The following TAFA2 variants were observed in gnomAD, a reference collection of about 807,000 sequenced individuals.
TAFA2 encodes chemokine-like protein TAFA-2.
A neutral mutation model predicts 18.8 loss-of-function variants in TAFA2; 7 were observed. The ratio of observed to expected loss-of-function variants is 0.37; its 90% CI spans 0.21 to 0.70. The LOEUF is 0.70. Ranked by LOEUF, TAFA2 falls within the 30% of genes least tolerant of loss-of-function variation. TAFA2 has a pLI of 0.53. For missense variants in TAFA2, 122 were observed against 158.1 expected (o/e 0.77, Z 1.23); for synonymous variants, 60 against 54.2 (o/e 1.11, Z -0.47).
At position 61,806,201 on chromosome 12, in the gene TAFA2, T is replaced by C. The variant is rs560990912; in HGVS notation, c.107-51177A>G. On this transcript the variant is annotated intron_variant, in intron 2 of 4. Transcript: ENST00000416284. ...TGGCTATGTCCCCACTGAAATCTCATCTTGAATTCCCAGGTGTTGTGGGAG... is the reference window on the plus strand; with the variant it reads ...TGGCTATGTCCCCACTGAAATCTCACCTTGAATTCCCAGGTGTTGTGGGAG... Among the ~76,000 whole-genome samples the C allele has an allele frequency of 1.6e-4, 25 of 152,296 alleles. No individual in the cohort carries two copies. The South Asian group carries it at 5.2e-3, about 32-fold the overall frequency.
At chr12:61,808,851 T>C (rs974705499) in intron 2 of TAFA2, among the ~76,000 whole-genome samples, 5 of 151,504 alleles carry the variant, frequency 3.3e-5, no homozygotes, top group Non-Finnish European at 5.9e-5. Context: ...CAGGCACAAA[T>C]GAATTAACAA....
chr12:61,856,147 C>G (rs1464157283), intron 2 of TAFA2, among the ~76,000 whole-genome samples: 2 of 151,304 alleles, frequency 1.3e-5, no homozygotes, highest in Non-Finnish European at 3.0e-5. Context: ...ATTGCCATCC[C>G]CCTCCCCTCA....
At chr12:61,980,496 A>G (rs1383637129) in intron 1 of TAFA2, among the ~76,000 whole-genome samples, 1 of 152,196 alleles carries the variant, frequency 6.6e-6, no homozygotes, top group African/African-American at 2.4e-5. Context: ...GTATTCAATT[A>G]GGAAATGAGG....
At chr12:62,182,811 C>G (rs533134008) in intron 1 of TAFA2, among the ~76,000 whole-genome samples, 1 of 152,328 alleles carries the variant, frequency 6.6e-6, no homozygotes, top group East Asian at 1.9e-4. Context: ...CAATCCATTT[C>G]AACTCAAATA....
chr12:61,938,259 C>T (rs1027855959), intron 1 of TAFA2, among the ~76,000 whole-genome samples: 6 of 129,432 alleles, frequency 4.6e-5, no homozygotes, highest in Non-Finnish European at 8.2e-5. Context: ...AAAGGGAAAA[C>T]TTATATATTG....
chr12:61,985,832 G>A (rs1361904171), intron 1 of TAFA2, among the ~76,000 whole-genome samples: 1 of 152,182 alleles, frequency 6.6e-6, no homozygotes, highest in Non-Finnish European at 1.5e-5. Flanking sequence ...GTTATGATAT[G>A]TAAAATGATT....
At chr12:62,031,324 C>G (rs749490230) in intron 1 of TAFA2, among the ~76,000 whole-genome samples, 1 of 152,056 alleles carries the variant, frequency 6.6e-6, no homozygotes, top group Non-Finnish European at 1.5e-5. Flanking sequence ...AGCCTCCCAG[C>G]CTACATCTTT....
chr12:62,219,192 A>C (rs557081376), intron 1 of TAFA2, among the ~76,000 whole-genome samples: 2 of 152,150 alleles, frequency 1.3e-5, no homozygotes, highest in Non-Finnish European at 2.9e-5. Flanking sequence ...GAAAAAAAAA[A>C]CTTAGGTTAA....
intron 2 of TAFA2, among the ~76,000 whole-genome samples, chr12:61,842,903 G>A (rs371356936): frequency 5.9e-5 from 9 of 152,110 alleles, no homozygotes; most frequent in South Asian, 2.1e-4. Flanking sequence ...TGAAATTCAC[G>A]TCTCAGATTT....
At chr12:61,945,062 TACTGGCAA>T (rs1878209200) in intron 1 of TAFA2, among the ~76,000 whole-genome samples, 1 of 146,976 alleles carries the variant, frequency 6.8e-6, no homozygotes, top group African/African-American at 2.6e-5. Context: ...CTCAATAAAA[TACTGGCAA>T]ACCGAATCCA....
chr12:62,093,804 T>C (rs1311797136), intron 1 of TAFA2, among the ~76,000 whole-genome samples: 1 of 151,990 alleles, frequency 6.6e-6, no homozygotes, highest in Non-Finnish European at 1.5e-5. Flanking sequence ...AACAAAATTA[T>C]TCAGTGTTAA....
Position 61,927,286 on chromosome 12 carries a change from G to A in TAFA2, c.-1-59860C>T, listed in dbSNP as rs577730187. On this transcript the variant is annotated intron_variant, in intron 1 of 4. Coordinates refer to ENST00000416284, the MANE Select transcript of TAFA2 (RefSeq NM_178539.5). ...AAACCCATCGTCTCAGCCCAAAATCGCCTTAAGCTGATAAGCAACTTCAGC... is the reference window on the plus strand; with the variant it reads ...AAACCCATCGTCTCAGCCCAAAATCACCTTAAGCTGATAAGCAACTTCAGC... 3.9e-5 allele frequency among the ~76,000 whole-genome samples: 6 copies of A among 152,018 alleles called. No homozygotes were observed. The South Asian group carries it at 6.2e-4, about 16-fold the overall frequency.
chr12:62,065,564 C>T (rs1404361917), intron 1 of TAFA2, among the ~76,000 whole-genome samples: 2 of 151,970 alleles, frequency 1.3e-5, no homozygotes, highest in Non-Finnish European at 2.9e-5. Context: ...GGCACAGGCC[C>T]AGAGCCCCAT....
intron 1 of TAFA2, among the ~76,000 whole-genome samples, chr12:62,075,784 G>C (rs560732623): frequency 1.3e-5 from 2 of 152,084 alleles, no homozygotes; most frequent in African/African-American, 4.8e-5. Flanking sequence ...AGTTATTTAA[G>C]AATACTTACT....
chr12:61,777,194 A>T (rs1473043896), intron 2 of TAFA2, among the ~76,000 whole-genome samples: 2 of 151,944 alleles, frequency 1.3e-5, no homozygotes, highest in African/African-American at 2.4e-5. Context: ...GGGGGGAAGC[A>T]GCAGAGCAAC....
intron 1 of TAFA2, chr12:62,135,706 A>G (rs1870867410): frequency 1.3e-5 from 2 of 152,158 alleles, no homozygotes; most frequent in African/African-American, 4.8e-5. Context: ...TATTTCACTT[A>G]TGAATATCAT....
chr12:62,073,868 C>T (rs765005715), intron 1 of TAFA2, among the ~76,000 whole-genome samples: 2 of 152,170 alleles, frequency 1.3e-5, no homozygotes, highest in Non-Finnish European at 2.9e-5. Flanking sequence ...TGTAGAATGG[C>T]AAGAGTAGGG....
chr12:62,115,623 C>T lies in TAFA2; in HGVS notation c.-2+75636G>A, dbSNP rs145005141. 3.0e-3 allele frequency among the ~76,000 whole-genome samples: 450 copies of T among 152,160 alleles called. 1 individual carries two copies. Among genetic ancestry groups the T allele is most frequent in the African/African-American group, 0.01 (424 of 41,498 alleles). On this transcript the variant is annotated intron_variant, in intron 1 of 4. Transcript: ENST00000416284. ...TCTCAGTACATTTAAAGATGTATCC[C>T]CTCCCAACCCTCACACCCACTCTCA...
chr12:61,809,105 C>T lies in TAFA2; in HGVS notation c.107-54081G>A, dbSNP rs759017109. 5.3e-5 allele frequency among the ~76,000 whole-genome samples: 8 copies of T among 151,394 alleles called. 1 individual carries two copies. The highest frequency in any genetic ancestry group is 1.3e-4 in the Admixed American group (2 of 15,246). ...AGCACATAGCTTGAAAGTGTGTGTG[C>T]GTGCATGTGCACGTGTGTGCATAAA... On this transcript the variant is annotated intron_variant, in intron 2 of 4. Transcript: ENST00000416284.
Sources: gnomAD v4.1 joint callset for allele counts (sites outside exome capture counted in the v4.1 genomes callset) on GRCh38, gnomAD v4.1.1 for gene constraint, MANE v1.5 for transcripts, NCBI Gene and HGNC (gene_info 2026-07-23, HGNC 2026-07-21) for gene names.